Variants in MAST4 observed in about 807,000 individuals in gnomAD.
MAST4 encodes the protein microtubule-associated serine/threonine-protein kinase 4.
In MAST4, 89 loss-of-function variants were observed where a neutral mutation model predicts 162.7. That is an observed-to-expected ratio of 0.55 (90% CI 0.46 to 0.65). MAST4 has a LOEUF of 0.65. Ranked by LOEUF, MAST4 falls within the 30% of genes least tolerant of loss-of-function variation. The pLI, the probability that MAST4 is intolerant of heterozygous loss-of-function variation, is 0.00. For synonymous variants in MAST4, 1,479 were observed against 1,361.1 expected (o/e 1.09, Z -1.91); for missense variants, 3,153 against 3,374.0 (o/e 0.93, Z 1.62).
chr5:66,718,539 T>C (rs10042259), intron 1 of MAST4, among the ~76,000 whole-genome samples: 2,579 of 152,234 alleles, frequency 0.017, 72 homozygotes, highest in African/African-American at 0.057. Context: ...TCATGTGGTA[T>C]ATAGCCTTTT....
intron 17 of MAST4, 38 bp downstream of exon 17, chr5:67,133,684 A>G (rs1561698707): frequency 6.2e-7 from 1 of 1,608,574 alleles, no homozygotes; most frequent in Non-Finnish European, 8.5e-7. Flanking sequence ...GAGAAATACA[A>G]AGTATGGTAT....
At chr5:66,851,936 C>T (rs374630713) in intron 3 of MAST4, among the ~76,000 whole-genome samples, 8 of 152,046 alleles carry the variant, frequency 5.3e-5, no homozygotes, top group East Asian at 1.9e-4. Flanking sequence ...TATAATCTGG[C>T]GAGGTTATCT....
At chr5:66,946,183 G>C (rs989993073) in intron 4 of MAST4, among the ~76,000 whole-genome samples, 4 of 152,130 alleles carry the variant, frequency 2.6e-5, no homozygotes, top group African/African-American at 9.7e-5. Context: ...GGAATACAGA[G>C]GAGCTGTGTG....
intron 7 of MAST4, among the ~76,000 whole-genome samples, chr5:67,096,911 A>T (rs1490372778): frequency 6.6e-6 from 1 of 152,218 alleles, no homozygotes; most frequent in Non-Finnish European, 1.5e-5. Flanking sequence ...AAAGATGCTT[A>T]AAAATCCTGA....
At chr5:66,809,052 C>G (rs1374246545) in intron 3 of MAST4, among the ~76,000 whole-genome samples, 1 of 152,194 alleles carries the variant, frequency 6.6e-6, no homozygotes, top group Non-Finnish European at 1.5e-5. Context: ...GGGATCATTC[C>G]TAACTGTTGA....
chr5:66,973,514 C>T (rs1392029820), intron 4 of MAST4, among the ~76,000 whole-genome samples: 2 of 151,950 alleles, frequency 1.3e-5, no homozygotes, highest in African/African-American at 4.8e-5. Context: ...TGATGATGTC[C>T]TCCTCATAGC....
At chr5:66,726,834 T>A (rs1010410602) in intron 1 of MAST4, among the ~76,000 whole-genome samples, 1 of 152,108 alleles carries the variant, frequency 6.6e-6, no homozygotes, top group South Asian at 2.1e-4. Flanking sequence ...CTTATGAGAA[T>A]CTAATCCTGC....
At chr5:66,723,403 G>C (rs1037085713) in intron 1 of MAST4, among the ~76,000 whole-genome samples, 1 of 152,136 alleles carries the variant, frequency 6.6e-6, no homozygotes, top group African/African-American at 2.4e-5. Flanking sequence ...AACTAAGTTT[G>C]TTCCACTGCT....
intron 4 of MAST4, among the ~76,000 whole-genome samples, chr5:66,925,879 G>A (rs1393934269): frequency 6.6e-6 from 1 of 151,954 alleles, no homozygotes; most frequent in African/African-American, 2.4e-5. Flanking sequence ...ATAAGAACAT[G>A]CTATGTTCCT....
At chr5:66,864,826 C>A (rs1760383337) in intron 3 of MAST4, among the ~76,000 whole-genome samples, 1 of 152,168 alleles carries the variant, frequency 6.6e-6, no homozygotes, top group Non-Finnish European at 1.5e-5. Context: ...AGCTGTGAGA[C>A]AGTTTCTGTT....
chr5:66,899,018 C>T (rs773070516), intron 3 of MAST4, among the ~76,000 whole-genome samples: 48 of 152,120 alleles, frequency 3.2e-4, no homozygotes, highest in Admixed American at 3.9e-4. Flanking sequence ...TGCTCAAGCA[C>T]CTGAAAGGCA....
chr5:67,026,013 G>A (rs1754601964), intron 4 of MAST4, among the ~76,000 whole-genome samples: 1 of 152,162 alleles, frequency 6.6e-6, no homozygotes, highest in African/African-American at 2.4e-5. Flanking sequence ...GGCTTGAATT[G>A]GTGCTGCTCA....
Position 67,163,008 on chromosome 5 carries a change from A to G in MAST4, c.3968-139A>G. 8.8e-7 allele frequency: 1 copy of G among 1,130,050 alleles called. No individual in the cohort carries two copies. The highest frequency in any genetic ancestry group is 1.5e-5 in the South Asian group (1 of 65,792). The allele number at this position is 1,130,050 out of a possible 1,614,324, so 70.0% of individuals were successfully genotyped here. A position where few individuals can be genotyped will look rare whatever the true frequency, so the allele number is the denominator to read the frequency against. ...CTTGGCCTGGAGAGGTTTATCTGAA[A>G]AGTGTTTATTCCACTAGCTAAATGC... On this transcript the variant is annotated intron_variant, in intron 28 of 28. Transcript: ENST00000403625. This position sits in a 1 kb window ranked among gnomAD's most constrained non-coding sequence, Gnocchi z 7.0.
chr5:67,120,304 G>T (rs1767416769), intron 13 of MAST4, among the ~76,000 whole-genome samples: 1 of 152,214 alleles, frequency 6.6e-6, no homozygotes, highest in South Asian at 2.1e-4. Context: ...GAGGATGATG[G>T]TGCCCACACA....
At chr5:66,980,620 G>A (rs907044977) in intron 4 of MAST4, among the ~76,000 whole-genome samples, 2 of 152,156 alleles carry the variant, frequency 1.3e-5, no homozygotes, top group East Asian at 1.9e-4. Context: ...TATTTTAAAC[G>A]AGTCCTTTTT....
intron 4 of MAST4, among the ~76,000 whole-genome samples, chr5:67,009,238 GGAACCAGAAGAGACACCACATA>G (rs1752395381): frequency 1.3e-5 from 2 of 152,166 alleles, no homozygotes; most frequent in Non-Finnish European, 2.9e-5. Flanking sequence ...TTGGTCTCAG[GGAACCAGAAGAGACACCACATA>G]GAAAAGGTTT....
At chr5:66,661,823 A>C (rs1746930306) in intron 1 of MAST4, among the ~76,000 whole-genome samples, 1 of 152,182 alleles carries the variant, frequency 6.6e-6, no homozygotes, top group African/African-American at 2.4e-5. Context: ...CAAAGGGTAC[A>C]CTCTGAAGTA....
intron 1 of MAST4, among the ~76,000 whole-genome samples, chr5:66,683,816 AG>A (rs1345793924): frequency 6.6e-6 from 1 of 152,190 alleles, no homozygotes; most frequent in Non-Finnish European, 1.5e-5. Context: ...AGTAGGCCAA[AG>A]GTTGAACATT....
At chr5:66,621,030 C>T (rs1282977728) in intron 1 of MAST4, among the ~76,000 whole-genome samples, 1 of 151,612 alleles carries the variant, frequency 6.6e-6, no homozygotes, top group Non-Finnish European at 1.5e-5. Flanking sequence ...TCCCTGAATT[C>T]TCTGAGCACC....
Sources: gnomAD v4.1 joint callset for allele counts (sites outside exome capture counted in the v4.1 genomes callset) on GRCh38, gnomAD v4.1.1 for gene constraint, Gnocchi (gnomAD v3.1) non-coding constraint, MANE v1.5 for transcripts, NCBI Gene and HGNC (gene_info 2026-07-23, HGNC 2026-07-21) for gene names.